Variants in TTLL10 observed in about 807,000 individuals in gnomAD.
The protein encoded by TTLL10 is tubulin tyrosine ligase like 10.
Under a neutral mutation model 69.0 loss-of-function variants are expected in TTLL10, and 61 were observed. The observed-to-expected ratio is 0.88, with a 90% CI of 0.72 to 1.09. The LOEUF is 1.09. Ranked by LOEUF, TTLL10 falls within the 50% of genes least tolerant of loss-of-function variation. The pLI is 0.00. For missense variants in TTLL10, 962 were observed against 945.9 expected (o/e 1.02, Z -0.22); for synonymous variants, 408 against 393.3 (o/e 1.04, Z -0.44).
At chr1:1,177,664 G>A (rs1646918412) in intron 3 of TTLL10, among the ~76,000 whole-genome samples, 1 of 152,176 alleles carries the variant, frequency 6.6e-6, no homozygotes, top group African/African-American at 2.4e-5. Context: ...ATGCCTGTTG[G>A]GCCTGGGCAG....
Position 1,181,788 on chromosome 1 carries a change from C to G in TTLL10, c.803C>G (p.Thr268Arg), listed in dbSNP as rs894366527. The G allele has an allele frequency of 6.2e-7, 1 of 1,609,376 alleles. No homozygotes were observed. Among genetic ancestry groups the G allele is most frequent in the Non-Finnish European group, 8.5e-7 (1 of 1,178,838 alleles). The change falls in exon 9 of 16, where the codon ACA becomes AGA. Residue 268 changes from threonine (T) to arginine (R), a missense_variant. By Grantham distance (71) the Thr-to-Arg change is moderately conservative. Transcript: ENST00000379289. The surrounding 1 kb of genome is among the most constrained non-coding windows in gnomAD (Gnocchi z 4.6). ...CCCGCCCTGGAGGACCTCCCGTGGA[C>G]AAGCCCAGGATACCTCAGGCCACAG... ...AAPALEDLPWTSPGYLRPQRV... is the reference protein window; with the variant it reads ...AAPALEDLPWRSPGYLRPQRV...
chr1:1,184,711 G>A (rs4081331), intron 12 of TTLL10, among the ~76,000 whole-genome samples: 12,832 of 140,890 alleles, frequency 0.091, 521 homozygotes, highest in African/African-American at 0.23. Context: ...CAGGCCCTCC[G>A]GACAGTCTGG....
At chr1:1,182,737 G>A in intron 10 of TTLL10, 139 bp from the exon 11 acceptor site, 1 of 1,238,310 alleles carries the variant, frequency 8.1e-7, no homozygotes, top group Admixed American at 2.7e-5. Context: ...CTGGGGCCAG[G>A]CGTGTGGTTA....
At position 1,180,601 on chromosome 1, in the gene TTLL10, G is replaced by T. The variant is rs1647025140; in HGVS notation, c.625G>T (p.Gly209Ter). ...SRDSYGSFREGEQLLYQLPNN... is the reference protein window; with the variant it reads ...SRDSYGSFRE ...AGACAGCTACGGCAGCTTCCGGGAA[G>T]GTAGCGGGAGCCGGCACCAGAGGCG... is the stretch of plus-strand genomic sequence containing the variant. The change falls in exon 7 of 16, where the codon GGA becomes TGA. Residue 209 changes from glycine to a stop codon, truncating the protein, a stop_gained and splice_region_variant. Coordinates refer to ENST00000379289, the MANE Select transcript of TTLL10 (RefSeq NM_001130045.2). LOFTEE classifies it high-confidence loss of function. 2 of 1,551,646 alleles carry T rather than the reference G, an allele frequency of 1.3e-6. No homozygotes were observed. Among genetic ancestry groups the T allele is most frequent in the South Asian group, 1.2e-5 (1 of 84,152 alleles).
chr1:1,180,524 A>C lies in TTLL10; in HGVS notation c.548A>C (p.His183Pro). 1.3e-6 allele frequency: 2 copies of C among 1,548,766 alleles called. No homozygotes were observed. The highest frequency in any genetic ancestry group is 1.7e-6 in the Non-Finnish European group (2 of 1,146,884). The change falls in exon 7 of 16, where the codon CAT becomes CCT. Residue 183 changes from histidine (H) to proline (P), a missense_variant. Transcript: ENST00000379289. ...AAAAGCAAGGGCTGGCAGCGCATCC[A>C]TGACAGCCGCCGGGACGACTACACG... Reference protein sequence around the residue: ...YCKSKGWQRIHDSRRDDYTLK... With the variant: ...YCKSKGWQRIPDSRRDDYTLK...
At chr1:1,197,385 C>T (rs1648299194) in intron 15 of TTLL10, 53 bp from the exon 16 acceptor site, 60 of 1,057,496 alleles carry the variant, frequency 5.7e-5, no homozygotes, top group Non-Finnish European at 7.3e-5. Flanking sequence ...TCCCCACCCC[C>T]TCCAGCCCCA....
At chr1:1,182,516 GC>G in intron 10 of TTLL10, 70 bp downstream of exon 10, 1 of 1,499,858 alleles carries the variant, frequency 6.7e-7, no homozygotes, top group Non-Finnish European at 9.3e-7. Context: ...CAAGGCGGGG[GC>G]TGATGAGGGC....
chr1:1,182,185 T>TG (rs1314593060), intron 9 of TTLL10, among the ~76,000 whole-genome samples, 176 bp from the exon 10 acceptor site: 2 of 151,938 alleles, frequency 1.3e-5, no homozygotes. Context: ...CACAGCCCGT[T>TG]GGGGGGGTGC....
chr1:1,192,672 C>T (rs1043962600), intron 13 of TTLL10, among the ~76,000 whole-genome samples: 19 of 130,254 alleles, frequency 1.5e-4, no homozygotes, highest in Non-Finnish European at 2.8e-4. Context: ...CACTCCAGTT[C>T]GTATCAGTGT....
rs568644278 is a variant in TTLL10, at chr1:1,179,998, C to G, written c.200-36C>G. Reference sequence around the variant, plus strand: ...ATGTCCGGGCTGAGTGGGCAGCTCCCGTAGCCACCCCGGTGGGACCCCACC... The same window carrying G: ...ATGTCCGGGCTGAGTGGGCAGCTCCGGTAGCCACCCCGGTGGGACCCCACC... On this transcript the variant is annotated intron_variant, in intron 5 of 15. Transcript: ENST00000379289. The G allele has an allele frequency of 1.1e-4, 159 of 1,482,976 alleles. 2 individuals are homozygous for G. The South Asian group carries it at 2.1e-3, about 20-fold the overall frequency. 91.9% of individuals were successfully genotyped at this position (1,482,976 alleles called of 1,614,324 possible). A position where few individuals can be genotyped will look rare whatever the true frequency, so the allele number is the denominator to read the frequency against.
In TTLL10 at chr1:1,185,415, AGTCT is replaced by A; in HGVS notation, c.1401+307_1401+310del. 1 of 1,245,732 alleles carries A rather than the reference AGTCT, an allele frequency of 8.0e-7. No homozygotes were observed. Among genetic ancestry groups the A allele is most frequent in the Non-Finnish European group, 1.0e-6 (1 of 991,158 alleles). 77.2% of individuals were successfully genotyped at this position (1,245,732 alleles called of 1,614,324 possible). Reference sequence around the variant, plus strand: ...CTTCAGTGACAGCCACCATGTGAAGAGTCTTTGTTCCTTTCAGATCCTCCACTTG... The same window carrying A: ...CTTCAGTGACAGCCACCATGTGAAGATTGTTCCTTTCAGATCCTCCACTTG... On this transcript the variant is annotated intron_variant, in intron 13 of 15. Transcript: ENST00000379289. This position sits in a 1 kb window ranked among gnomAD's most constrained non-coding sequence, Gnocchi z 6.1.
Position 1,187,766 on chromosome 1 carries a change from G to A in TTLL10, c.1401+2657G>A, listed in dbSNP as rs1027384949. 5.3e-5 allele frequency among the ~76,000 whole-genome samples: 8 copies of A among 152,280 alleles called. No individual in the cohort carries two copies. In the South Asian group the frequency reaches 1.7e-3, roughly 32 times the overall value. On this transcript the variant is annotated intron_variant, in intron 13 of 15. Transcript: ENST00000379289. ...CTAAAAATACAAAAATTAGCTGGGT[G>A]TGGTGGCGTGCACCTGTAGTCCCAG...
At chr1:1,189,842 G>A (rs1179603763) in intron 13 of TTLL10, among the ~76,000 whole-genome samples, 2 of 152,036 alleles carry the variant, frequency 1.3e-5, no homozygotes, top group Non-Finnish European at 2.9e-5. Flanking sequence ...ACCAGGCACG[G>A]TGGCTCATGC....
intron 8 of TTLL10, 78 bp downstream of exon 8, chr1:1,180,938 C>A: frequency 7.5e-7 from 1 of 1,333,338 alleles, no homozygotes; most frequent in Non-Finnish European, 9.9e-7. Context: ...TGCACCCGCC[C>A]CACCCCTGCC....
At chr1:1,184,672 G>A (rs1208921839) in intron 12 of TTLL10, among the ~76,000 whole-genome samples, 1 of 152,046 alleles carries the variant, frequency 6.6e-6, no homozygotes. Flanking sequence ...TAGGTTAGGG[G>A]GATGTTCTCT....
At chr1:1,184,349 C>G (rs1435974268) in intron 12 of TTLL10, among the ~76,000 whole-genome samples, 2 of 152,226 alleles carry the variant, frequency 1.3e-5, no homozygotes, top group African/African-American at 4.8e-5. Flanking sequence ...AGCCCTGTAG[C>G]CCTCAGCGTG....
chr1:1,184,305 G>A (rs570763419), intron 12 of TTLL10, among the ~76,000 whole-genome samples: 42 of 152,348 alleles, frequency 2.8e-4, no homozygotes, highest in African/African-American at 9.4e-4. Flanking sequence ...AGAAGGGCGT[G>A]GCAGGGACCC....
At chr1:1,177,690 G>A (rs1646919127) in intron 3 of TTLL10, among the ~76,000 whole-genome samples, 1 of 152,224 alleles carries the variant, frequency 6.6e-6, no homozygotes, top group Non-Finnish European at 1.5e-5. Context: ...TTGGCTGAGA[G>A]TCAGTACTTT....
At chr1:1,186,653 T>C (rs1647346053) in intron 13 of TTLL10, among the ~76,000 whole-genome samples, 1 of 152,198 alleles carries the variant, frequency 6.6e-6, no homozygotes, top group Admixed American at 6.5e-5. Flanking sequence ...CTTGTTATTT[T>C]CCTTTCTTTA....
Sources: gnomAD v4.1 joint callset for allele counts (sites outside exome capture counted in the v4.1 genomes callset) on GRCh38, gnomAD v4.1.1 for gene constraint, Gnocchi (gnomAD v3.1) non-coding constraint, MANE v1.5 for transcripts, NCBI Gene and HGNC (gene_info 2026-07-23, HGNC 2026-07-21) for gene names.